WNT8A: variants seen among roughly 807,000 people sequenced by gnomAD.
The protein encoded by WNT8A is Wnt family member 8A, also known as protein Wnt-8a.
WNT8A carries 14 observed loss-of-function variants against 20.5 expected under a neutral mutation model. The ratio of observed to expected loss-of-function variants is 0.68; its 90% CI spans 0.45 to 1.07. The LOEUF (loss-of-function observed/expected upper bound fraction) is 1.07, where lower values mean the gene tolerates loss of function less well. Ranked by LOEUF, WNT8A falls within the 50% of genes least tolerant of loss-of-function variation. The pLI is 0.00. For synonymous variants in WNT8A, 167 were observed against 169.2 expected, an observed-to-expected ratio of 0.99 and a Z score of 0.10; for missense variants, 397 against 462.9, an observed-to-expected ratio of 0.86 and a Z score of 1.31.
chr5:138,079,186 T>C (rs1750441281), upstream of WNT8A, among the ~76,000 whole-genome samples: 3 of 152,102 alleles, frequency 2.0e-5, no homozygotes, highest in South Asian at 6.2e-4. Context: ...AGCGGTGTGC[T>C]GAAGGCAGCT....
Position 138,090,728 on chromosome 5 carries a change from C to G in WNT8A, c.765C>G (p.Pro255=). The G allele has an allele frequency of 1.2e-6, 2 of 1,614,214 alleles. No individual in the cohort carries two copies. The highest frequency in any genetic ancestry group is 1.7e-6 in the Non-Finnish European group (2 of 1,180,044). The change falls in exon 5 of 5, where the codon CCC becomes CCG. Residue 255 remains proline, a synonymous_variant. Coordinates refer to ENST00000506684, the MANE Select transcript of WNT8A (RefSeq NM_001300939.2). The part of the protein sequence containing the change: ...AGNSAEGHWV[P]AEAFLPSAEA... ...ACAGCGCCGAGGGCCACTGGGTGCC[C>G]GCTGAGGCCTTCCTTCCTAGCGCAG...
At position 138,090,794 on chromosome 5, in the gene WNT8A, T is replaced by C. The variant is rs1271223920; in HGVS notation, c.831T>C (p.Cys277=). The change falls in exon 5 of 5, where the codon TGT becomes TGC. Residue 277 remains cysteine, a synonymous_variant. Transcript: ENST00000506684. The stretch of plus-strand genomic sequence containing the variant: ...TTTTAGAGGAATCACCAGATTACTG[T>C]ACCTGCAATTCCAGCCTGGGCATCT... ...LIFLEESPDY[C]TCNSSLGIYG... 6 of 1,614,250 alleles carry C rather than the reference T, an allele frequency of 3.7e-6. No homozygotes were observed. The highest frequency in any genetic ancestry group is 5.1e-6 in the Non-Finnish European group (6 of 1,180,044).
chr5:138,091,094 C>T lies in WNT8A; in HGVS notation c.*21C>T, dbSNP rs374582880. 4.4e-6 allele frequency: 7 copies of T among 1,596,916 alleles called. No homozygotes were observed. Among genetic ancestry groups the T allele is most frequent in the African/African-American group, 1.3e-5 (1 of 74,550 alleles). On this transcript the variant is annotated 3_prime_UTR_variant, in exon 5 of 5. Coordinates refer to ENST00000506684, the MANE Select transcript of WNT8A (RefSeq NM_001300939.2). The stretch of plus-strand genomic sequence containing the variant: ...CCTGATAATACCCCACACAAGTTCA[C>T]TTGATTAATTGCATCAGTGGAAGGG...
At chr5:138,079,201 C>A (rs1750441473), upstream of WNT8A, among the ~76,000 whole-genome samples, 1 of 151,842 alleles carries the variant, frequency 6.6e-6, no homozygotes, top group Non-Finnish European at 1.5e-5. Context: ...GCAGCTTATA[C>A]CCACTCCTGA....
At chr5:138,083,992 G>C (rs967616694), upstream of WNT8A, 8 of 1,201,012 alleles carry the variant, frequency 6.7e-6, no homozygotes, top group Non-Finnish European at 9.3e-6. Context: ...TGGACATTCA[G>C]AATTTTCTCA....
In WNT8A at chr5:138,091,257, G is replaced by A; in HGVS notation, c.*184G>A. 2 of 1,573,192 alleles carry A rather than the reference G, an allele frequency of 1.3e-6. No individual in the cohort carries two copies. The highest frequency in any genetic ancestry group is 1.7e-6 in the Non-Finnish European group (2 of 1,167,482). On this transcript the variant is annotated 3_prime_UTR_variant, in exon 5 of 5. Coordinates refer to ENST00000506684, the MANE Select transcript of WNT8A (RefSeq NM_001300939.2). The stretch of plus-strand genomic sequence containing the variant: ...TCTACAGCATATTCCTGGCGGGGCT[G>A]AAATTGGAACCTGGGCCTCCTGACT...
At chr5:138,089,166 C>T (rs1253701240) in intron 4 of WNT8A, 97 bp downstream of exon 4, 2 of 1,488,456 alleles carry the variant, frequency 1.3e-6, no homozygotes, top group South Asian at 1.4e-5. Flanking sequence ...TTTCCTCATA[C>T]TACCCAGCCA....
At chr5:138,089,172 A>G (rs1750769425) in intron 4 of WNT8A, 103 bp downstream of exon 4, 2 of 1,474,382 alleles carry the variant, frequency 1.4e-6, no homozygotes, top group African/African-American at 1.4e-5. Flanking sequence ...CATACTACCC[A>G]GCCAGATTGA....
At chr5:138,091,759 G>A (rs568407263), downstream of WNT8A, among the ~76,000 whole-genome samples, 58 of 56,602 alleles carry the variant, frequency 1.0e-3, no homozygotes, top group African/African-American at 2.8e-3. Context: ...CCAGGAGCTC[G>A]AGACTACAGT....
chr5:138,080,117 G>A (rs1426553240), upstream of WNT8A, among the ~76,000 whole-genome samples: 1 of 151,992 alleles, frequency 6.6e-6, no homozygotes, highest in East Asian at 1.9e-4. Context: ...GAAGCCAGGA[G>A]TTTGAGACCA....
upstream of WNT8A, chr5:138,083,948 G>A (rs1053637160): frequency 8.6e-6 from 7 of 811,052 alleles, no homozygotes; most frequent in African/African-American, 1.2e-4. Flanking sequence ...CTGCCAGTTA[G>A]GAACAAATGA....
chr5:138,084,653 CT>C lies in WNT8A; in HGVS notation c.295+18del, dbSNP rs1750601974. ...TGAGAAGTGGTAAGTTTGTGTGGGA[CT>C]CACCTGTACAAGGGGTATATATGTG... On this transcript the variant is annotated intron_variant, in intron 2 of 4. Coordinates refer to ENST00000506684, the MANE Select transcript of WNT8A (RefSeq NM_001300939.2). The C allele has an allele frequency of 1.3e-6, 2 of 1,596,292 alleles. No individual in the cohort carries two copies. Among genetic ancestry groups the C allele is most frequent in the Admixed American group, 1.7e-5 (1 of 58,530 alleles).
chr5:138,079,179 G>C (rs774129544), upstream of WNT8A, among the ~76,000 whole-genome samples: 1 of 151,878 alleles, frequency 6.6e-6, no homozygotes, highest in African/African-American at 2.4e-5. Context: ...GGGCTCCAGC[G>C]GTGTGCTGAA....
chr5:138,091,195 A>G lies in WNT8A; in HGVS notation c.*122A>G. 1 of 1,540,364 alleles carries G rather than the reference A, an allele frequency of 6.5e-7. No homozygotes were observed. The highest frequency in any genetic ancestry group is 8.7e-7 in the Non-Finnish European group (1 of 1,154,920). ...GCAGTTTTGGTCTGTAGTCCTCATG[A>G]TATCTGCTATCAGTGGGGAAAATGG... On this transcript the variant is annotated 3_prime_UTR_variant, in exon 5 of 5. Coordinates refer to ENST00000506684, the MANE Select transcript of WNT8A (RefSeq NM_001300939.2).
intron 2 of WNT8A, among the ~76,000 whole-genome samples, chr5:138,086,402 G>C (rs1750663222): frequency 6.6e-6 from 1 of 151,692 alleles, no homozygotes; most frequent in South Asian, 2.1e-4. Flanking sequence ...ATTTTTTGTA[G>C]AGACAGGGTT....
At chr5:138,080,457 T>G (rs1027928865), upstream of WNT8A, among the ~76,000 whole-genome samples, 7 of 143,302 alleles carry the variant, frequency 4.9e-5, no homozygotes, top group African/African-American at 1.5e-4. Context: ...TTTTTTTTTT[T>G]TTTTTTTTTT....
At chr5:138,083,961 A>G, upstream of WNT8A, 3 of 865,234 alleles carry the variant, frequency 3.5e-6, no homozygotes, top group Middle Eastern at 7.2e-4. Flanking sequence ...ACAAATGAGA[A>G]GAGCTGCTGA....
At chr5:138,090,213 A>T (rs1042045287) in intron 4 of WNT8A, among the ~76,000 whole-genome samples, 2 of 152,140 alleles carry the variant, frequency 1.3e-5, no homozygotes, top group Non-Finnish European at 2.9e-5. Context: ...GATAGAGAAA[A>T]GCTTGACAAG....
chr5:138,081,427 C>T (rs1169056620), upstream of WNT8A, among the ~76,000 whole-genome samples: 1 of 152,134 alleles, frequency 6.6e-6, no homozygotes, highest in African/African-American at 2.4e-5. Context: ...GAAGTGAAAG[C>T]GGAGTCACTC....
Sources: gnomAD v4.1 joint callset for allele counts (sites outside exome capture counted in the v4.1 genomes callset) on GRCh38, gnomAD v4.1.1 for gene constraint, MANE v1.5 for transcripts, NCBI Gene and HGNC (gene_info 2026-07-23, HGNC 2026-07-21) for gene names.